Variants in SLC9C1 observed in about 807,000 individuals in gnomAD.
SLC9C1 encodes the protein sodium/hydrogen exchanger 10.
A neutral mutation model predicts 140.9 loss-of-function variants in SLC9C1; 97 were observed. The observed-to-expected ratio is 0.69, with a 90% CI of 0.58 to 0.82. The LOEUF is 0.82. Among genes scored for constraint, SLC9C1 ranks in the 40% least tolerant of loss-of-function variants. SLC9C1 has a pLI of 0.00. For missense variants in SLC9C1, 1,340 were observed against 1,389.3 expected, an observed-to-expected ratio of 0.96 and a Z score of 0.56; for synonymous variants, 440 against 442.6, an observed-to-expected ratio of 0.99 and a Z score of 0.07.
chr3:112,156,104 T>C (rs949284806), intron 26 of SLC9C1, among the ~76,000 whole-genome samples: 2 of 152,116 alleles, frequency 1.3e-5, no homozygotes, highest in African/African-American at 2.4e-5. Flanking sequence ...ACTTTTCCCC[T>C]CTAACTGTAT....
intron 16 of SLC9C1, 109 bp from the exon 17 acceptor site, chr3:112,204,512 A>G (rs1057421070): frequency 8.5e-7 from 1 of 1,175,246 alleles, no homozygotes; most frequent in African/African-American, 1.6e-5. Flanking sequence ...TCTACTCCAC[A>G]TGTATGAAAT....
At chr3:112,166,521 G>A (rs2077139467) in intron 26 of SLC9C1, among the ~76,000 whole-genome samples, 2 of 152,286 alleles carry the variant, frequency 1.3e-5, no homozygotes, top group Non-Finnish European at 2.9e-5. Flanking sequence ...ATCCCACATT[G>A]TGTTTTCAGT....
chr3:112,163,593 T>G (rs1304663418), intron 26 of SLC9C1, among the ~76,000 whole-genome samples: 2 of 151,986 alleles, frequency 1.3e-5, no homozygotes, highest in African/African-American at 4.8e-5. Flanking sequence ...TGAGTGAGAT[T>G]CTTAATCCTG....
chr3:112,182,350 G>T, intron 20 of SLC9C1, 92 bp from the exon 21 acceptor site: 1 of 1,285,314 alleles, frequency 7.8e-7, no homozygotes, highest in Non-Finnish European at 1.0e-6. Context: ...TCCTATTCTT[G>T]ATCATTTGAC....
intron 10 of SLC9C1, among the ~76,000 whole-genome samples, chr3:112,254,937 A>G (rs2079563607): frequency 6.6e-6 from 1 of 152,148 alleles, no homozygotes; most frequent in Non-Finnish European, 1.5e-5. Context: ...AAACAATCCT[A>G]TTTGCAGACA....
chr3:112,147,486 A>G (rs1370355341), intron 28 of SLC9C1: 3 of 419,594 alleles, frequency 7.1e-6, no homozygotes, highest in East Asian at 8.3e-5. Context: ...TCTCATGGTA[A>G]TGAATTCCCT....
chr3:112,152,374 T>A (rs1421525315), intron 27 of SLC9C1, among the ~76,000 whole-genome samples: 1 of 152,136 alleles, frequency 6.6e-6, no homozygotes, highest in Non-Finnish European at 1.5e-5. Context: ...AACATCTCGG[T>A]GCAGTAAAGA....
intron 4 of SLC9C1, among the ~76,000 whole-genome samples, chr3:112,278,445 A>C (rs1299411938): frequency 6.6e-6 from 1 of 152,186 alleles, no homozygotes; most frequent in Non-Finnish European, 1.5e-5. Context: ...ACTTTCTCAT[A>C]GCACTCTTGT....
At chr3:112,185,524 G>C in intron 20 of SLC9C1, 4 of 1,612,888 alleles carry the variant, frequency 2.5e-6, no homozygotes, top group Non-Finnish European at 3.4e-6. Context: ...ACAAAGACTT[G>C]CACAGGGGCC....
intron 20 of SLC9C1, among the ~76,000 whole-genome samples, chr3:112,187,775 C>T (rs535396087): frequency 3.4e-4 from 52 of 151,930 alleles, no homozygotes; most frequent in African/African-American, 1.2e-3. Flanking sequence ...TGGGGCAATA[C>T]GAAAAGTTTT....
intron 10 of SLC9C1, among the ~76,000 whole-genome samples, chr3:112,251,485 A>C (rs918744947): frequency 6.6e-6 from 1 of 152,142 alleles, no homozygotes; most frequent in African/African-American, 2.4e-5. Context: ...TGGGGTTCCC[A>C]GCAAAAGTGG....
At chr3:112,228,083 C>T (rs2078728113) in intron 13 of SLC9C1, among the ~76,000 whole-genome samples, 1 of 152,066 alleles carries the variant, frequency 6.6e-6, no homozygotes, top group African/African-American at 2.4e-5. Flanking sequence ...CCTCAAGTAG[C>T]CAAAGCAATT....
chr3:112,233,851 G>A (rs1016926237), intron 12 of SLC9C1, among the ~76,000 whole-genome samples: 9 of 152,146 alleles, frequency 5.9e-5, no homozygotes, highest in African/African-American at 2.2e-4. Flanking sequence ...TGGTGTATAT[G>A]TGCCACGTTT....
At chr3:112,197,335 G>A (rs762890117) in intron 20 of SLC9C1, among the ~76,000 whole-genome samples, 4 of 152,170 alleles carry the variant, frequency 2.6e-5, no homozygotes, top group Non-Finnish European at 4.4e-5. Flanking sequence ...TTACAATAAT[G>A]TGAGGAGGTG....
rs755641498 is a variant in SLC9C1, at chr3:112,231,434, T to C, written c.1499A>G (p.Asn500Ser). The change falls in exon 13 of 29, where the codon AAC becomes AGC. Residue 500 changes from asparagine (N) to serine (S), a missense_variant. By Grantham distance (46) the Asn-to-Ser change is conservative. Transcript: ENST00000305815. ...GTTAAAGATCTCATCTATTTCCTTG[T>C]TACAGTGTGGACATTTCACCTTCTG... ...EHQKVKCPHCNKEIDEIFNTE... is the reference protein window; with the variant it reads ...EHQKVKCPHCSKEIDEIFNTE... 3.1e-6 allele frequency: 5 copies of C among 1,613,228 alleles called. No individual in the cohort carries two copies. In the Admixed American group the frequency reaches 5.0e-5, roughly 16 times the overall value.
At chr3:112,168,795 T>G in intron 25 of SLC9C1, 82 bp downstream of exon 25, 1 of 1,281,162 alleles carries the variant, frequency 7.8e-7, no homozygotes. Flanking sequence ...AGCTTAAGAT[T>G]ATAGTGACAG....
chr3:112,172,263 G>T lies in SLC9C1; in HGVS notation c.2920-2935C>A, dbSNP rs138236842. On this transcript the variant is annotated intron_variant, in intron 23 of 28. Transcript: ENST00000305815. ...TTCAGTTATCTAGGAAATATTCTAT[G>T]GTTTTCATTGTAGAGTTATTCCACG... is the stretch of plus-strand genomic sequence containing the variant. 1.1e-3 allele frequency among the ~76,000 whole-genome samples: 168 copies of T among 151,392 alleles called. 1 individual carries two copies. The East Asian group carries it at 0.026, about 23-fold the overall frequency.
At chr3:112,271,994 T>A (rs982119663) in intron 6 of SLC9C1, among the ~76,000 whole-genome samples, 1 of 152,232 alleles carries the variant, frequency 6.6e-6, no homozygotes, top group Non-Finnish European at 1.5e-5. Context: ...GTTACTTTTA[T>A]ATTTTGCCTA....
At chr3:112,221,523 C>T (rs1415618624) in intron 13 of SLC9C1, among the ~76,000 whole-genome samples, 1 of 151,822 alleles carries the variant, frequency 6.6e-6, no homozygotes, top group East Asian at 1.9e-4. Flanking sequence ...AAGCTATATC[C>T]ACATCTCAAA....
Sources: allele counts gnomAD v4.1 joint callset (sites outside exome capture counted in the v4.1 genomes callset), GRCh38; gene constraint gnomAD v4.1.1; transcripts MANE v1.5; gene names NCBI Gene and HGNC (gene_info 2026-07-23, HGNC 2026-07-21).